The following SLC24A2 variants were observed in gnomAD, a reference collection of about 807,000 sequenced individuals.
SLC24A2 encodes the protein sodium/potassium/calcium exchanger 2.
A neutral mutation model predicts 62.0 loss-of-function variants in SLC24A2; 36 were observed. The observed-to-expected ratio is 0.58, with a 90% confidence interval of 0.44 to 0.77. The LOEUF (loss-of-function observed/expected upper bound fraction) is 0.77. Among genes scored for constraint, SLC24A2 ranks in the 30% least tolerant of loss-of-function variants. The pLI, the probability that SLC24A2 is intolerant of heterozygous loss-of-function variation, is 0.00. For missense variants in SLC24A2, 846 were observed against 817.9 expected (o/e 1.03, Z -0.42); for synonymous variants, 358 against 294.0 (o/e 1.22, Z -2.23).
chr9:19,935,969 G>A, the SLC24A2 span, among the ~76,000 whole-genome samples: 1 of 152,134 alleles, frequency 6.6e-6, no homozygotes, highest in African/African-American at 2.4e-5. Context: ...AAATATTTAG[G>A]AAGGACAAAT....
At chr9:20,255,170 G>A in the SLC24A2 span, among the ~76,000 whole-genome samples, 1 of 152,110 alleles carries the variant, frequency 6.6e-6, no homozygotes, top group Non-Finnish European at 1.5e-5. Context: ...TAATATCTAC[G>A]CCATCATCCT....
chr9:20,269,664 C>T, the SLC24A2 span, among the ~76,000 whole-genome samples: 1 of 152,150 alleles, frequency 6.6e-6, no homozygotes, highest in African/African-American at 2.4e-5. Context: ...CAACCTGCTC[C>T]CCCGACCCTC....
At chr9:19,861,168 C>T in the SLC24A2 span, among the ~76,000 whole-genome samples, 13 of 152,290 alleles carry the variant, frequency 8.5e-5, no homozygotes, top group African/African-American at 3.1e-4. Context: ...TGATCCAGTA[C>T]ACTCCTAGGG....
chr9:19,781,564 G>A (rs1302008001), intron 2 of SLC24A2, among the ~76,000 whole-genome samples: 1 of 152,146 alleles, frequency 6.6e-6, no homozygotes, highest in African/African-American at 2.4e-5. Context: ...TGAATCACAA[G>A]CAGTAACTGA....
chr9:19,586,902 A>G (rs1836392561), intron 5 of SLC24A2, among the ~76,000 whole-genome samples: 1 of 152,202 alleles, frequency 6.6e-6, no homozygotes, highest in African/African-American at 2.4e-5. Context: ...CCAGGTAGAG[A>G]CTGCTAGACA....
In SLC24A2 at chr9:19,671,405, G is replaced by C. The variant is rs1819412035; in HGVS notation, c.931-49106C>G. 2.0e-5 allele frequency among the ~76,000 whole-genome samples: 3 copies of C among 152,054 alleles called. No individual in the cohort carries two copies. In the South Asian group the frequency reaches 6.2e-4, roughly 32 times the overall value. ...CTACTCATTTGTGTTCTTTAATTTT[G>C]TGTCCTGAGACTCTGCTGAATTCAT... On this transcript the variant is annotated intron_variant, in intron 2 of 10. Transcript: ENST00000341998.
the SLC24A2 span, among the ~76,000 whole-genome samples, chr9:20,302,370 T>G: frequency 6.6e-6 from 1 of 152,248 alleles, no homozygotes; most frequent in African/African-American, 2.4e-5. Flanking sequence ...AGAGCTCCTG[T>G]TGCTTCCCAT....
the SLC24A2 span, among the ~76,000 whole-genome samples, chr9:20,196,479 A>C: frequency 6.6e-6 from 1 of 152,220 alleles, no homozygotes. Context: ...GCCTTTATTT[A>C]AAAATCAGTG....
chr9:19,621,671 G>A lies in SLC24A2; in HGVS notation c.969+590C>T, dbSNP rs143008951. 9.1e-3 allele frequency among the ~76,000 whole-genome samples: 1,379 copies of A among 152,210 alleles called. 24 individuals are homozygous for A. Among genetic ancestry groups the A allele is most frequent in the African/African-American group, 0.032 (1,311 of 41,532 alleles). On this transcript the variant is annotated intron_variant, in intron 3 of 10. Coordinates refer to ENST00000341998, the MANE Select transcript of SLC24A2 (RefSeq NM_020344.4). ...TGATGTGTTAATTAAATAGGAACTC[G>A]AAAATGTGTTTATCAATAATAACTC...
At chr9:19,760,959 C>G (rs1299264925) in intron 2 of SLC24A2, among the ~76,000 whole-genome samples, 1 of 151,810 alleles carries the variant, frequency 6.6e-6, no homozygotes, top group Non-Finnish European at 1.5e-5. Context: ...ATACACCTCA[C>G]GTAAACGACA....
intron 2 of SLC24A2, among the ~76,000 whole-genome samples, chr9:19,730,691 T>C (rs1227278762): frequency 1.3e-5 from 2 of 152,198 alleles, no homozygotes; most frequent in East Asian, 1.9e-4. Flanking sequence ...ACAATGGTTT[T>C]CATCCCTTTA....
the SLC24A2 span, among the ~76,000 whole-genome samples, chr9:20,111,201 C>T: frequency 5.3e-5 from 8 of 152,086 alleles, no homozygotes; most frequent in Non-Finnish European, 8.8e-5. Context: ...ATGGGAGGCA[C>T]CGGTAGGAGT....
the SLC24A2 span, among the ~76,000 whole-genome samples, chr9:19,884,740 T>C: frequency 6.6e-6 from 1 of 152,198 alleles, no homozygotes; most frequent in Non-Finnish European, 1.5e-5. Flanking sequence ...CAGTACAGTA[T>C]TCAATAAATT....
chr9:20,056,211 T>C, the SLC24A2 span, among the ~76,000 whole-genome samples: 3 of 152,176 alleles, frequency 2.0e-5, no homozygotes, highest in African/African-American at 7.2e-5. Context: ...AAAAGGCAAA[T>C]TGAGCACTGT....
the SLC24A2 span, among the ~76,000 whole-genome samples, chr9:19,990,336 G>A: frequency 6.6e-6 from 1 of 151,994 alleles, no homozygotes; most frequent in Non-Finnish European, 1.5e-5. Flanking sequence ...ATGAGGCTGG[G>A]CACGGTGGCT....
the SLC24A2 span, among the ~76,000 whole-genome samples, chr9:19,799,931 C>T: frequency 6.6e-6 from 1 of 152,154 alleles, no homozygotes; most frequent in Non-Finnish European, 1.5e-5. Flanking sequence ...AATCTGAAAT[C>T]AAGCATGGTT....
the SLC24A2 span, among the ~76,000 whole-genome samples, chr9:20,088,669 A>AC: frequency 5.9e-5 from 9 of 151,676 alleles, no homozygotes; most frequent in East Asian, 1.9e-4. Flanking sequence ...GTTGGAGCAG[A>AC]CCCCCCCAAA....
At chr9:19,555,122 A>G (rs927645614) in intron 7 of SLC24A2, among the ~76,000 whole-genome samples, 2 of 152,208 alleles carry the variant, frequency 1.3e-5, no homozygotes, top group South Asian at 2.1e-4. Flanking sequence ...CCCACTTCAC[A>G]TCACAATATG....
At chr9:19,683,210 G>A (rs1819774089) in intron 2 of SLC24A2, among the ~76,000 whole-genome samples, 1 of 152,102 alleles carries the variant, frequency 6.6e-6, no homozygotes, top group East Asian at 1.9e-4. Flanking sequence ...GTAAAACTCT[G>A]AAAGCAAATC....
Sources: allele counts gnomAD v4.1 joint callset (sites outside exome capture counted in the v4.1 genomes callset), GRCh38; gene constraint gnomAD v4.1.1; transcripts MANE v1.5; gene names NCBI Gene and HGNC (gene_info 2026-07-23, HGNC 2026-07-21).